Variants in TRPM3 observed in about 807,000 individuals in gnomAD.
TRPM3 encodes the protein long transient receptor potential channel 3.
TRPM3 carries 77 observed loss-of-function variants against 181.2 expected under a neutral mutation model. The ratio of observed to expected loss-of-function variants is 0.42; its 90% CI spans 0.35 to 0.51. The LOEUF is 0.51. Ranked by LOEUF, TRPM3 falls within the 20% of genes least tolerant of loss-of-function variation. The pLI is 0.01. For synonymous variants in TRPM3, 745 were observed against 796.4 expected (o/e 0.94, Z 1.09); for missense variants, 1,759 against 2,196.7 (o/e 0.80, Z 3.98).
intron 1 of TRPM3, among the ~76,000 whole-genome samples, chr9:71,149,897 A>C (rs11142703): frequency 0.23 from 35,555 of 151,934 alleles, 4,834 homozygotes; most frequent in African/African-American, 0.38. Context: ...TGGGAGGTCA[A>C]AACTGTAGTG....
intron 1 of TRPM3, among the ~76,000 whole-genome samples, chr9:71,160,457 G>A (rs1447335115): frequency 6.6e-6 from 1 of 152,104 alleles, no homozygotes; most frequent in East Asian, 1.9e-4. Flanking sequence ...AGTAAGTTAT[G>A]CCATATAGAG....
chr9:70,868,265 G>C (rs2095697835), intron 1 of TRPM3, among the ~76,000 whole-genome samples: 1 of 151,878 alleles, frequency 6.6e-6, no homozygotes, highest in African/African-American at 2.4e-5. Context: ...ATGTGTAATA[G>C]GGAAGTGTTT....
At chr9:70,769,832 G>C (rs2079883180) in intron 7 of TRPM3, among the ~76,000 whole-genome samples, 1 of 152,130 alleles carries the variant, frequency 6.6e-6, no homozygotes, top group Non-Finnish European at 1.5e-5. Flanking sequence ...TTAAGTTCTA[G>C]AAGAGTGCTT....
intron 12 of TRPM3, among the ~76,000 whole-genome samples, chr9:70,627,878 ATTATCT>A (rs2064953657): frequency 1.3e-5 from 2 of 152,174 alleles, no homozygotes; most frequent in Non-Finnish European, 2.9e-5. Flanking sequence ...TTGTTTGAAG[ATTATCT>A]TTATCCATCT....
At chr9:70,918,408 A>G (rs1001689567) in intron 1 of TRPM3, among the ~76,000 whole-genome samples, 7 of 152,182 alleles carry the variant, frequency 4.6e-5, no homozygotes, top group Non-Finnish European at 5.9e-5. Flanking sequence ...AAAAAAGTTG[A>G]GATAGTATTA....
intron 1 of TRPM3, among the ~76,000 whole-genome samples, chr9:70,961,282 C>T (rs2097134067): frequency 8.0e-6 from 1 of 124,514 alleles, no homozygotes; most frequent in South Asian, 3.0e-4. Flanking sequence ...CTACAGTCTC[C>T]AGAAGACATA....
intron 1 of TRPM3, among the ~76,000 whole-genome samples, chr9:71,277,328 G>A (rs1308961381): frequency 6.6e-6 from 1 of 152,102 alleles, no homozygotes; most frequent in Non-Finnish European, 1.5e-5. Flanking sequence ...TGAGTAACGT[G>A]TACGTAGTTC....
chr9:71,420,982 A>G (rs1388565555), intron 1 of TRPM3, among the ~76,000 whole-genome samples: 3 of 107,194 alleles, frequency 2.8e-5, no homozygotes, highest in African/African-American at 8.7e-5. Flanking sequence ...AAAAAGAGAG[A>G]GAAAAAGAGA....
chr9:70,933,493 G>T (rs1033355484), intron 1 of TRPM3, among the ~76,000 whole-genome samples: 1 of 152,076 alleles, frequency 6.6e-6, no homozygotes, highest in African/African-American at 2.4e-5. Context: ...TGAAGTGAGG[G>T]CTGAAAACAT....
intron 1 of TRPM3, among the ~76,000 whole-genome samples, chr9:71,279,378 T>C (rs1384482316): frequency 4.6e-5 from 7 of 152,068 alleles, no homozygotes; most frequent in Non-Finnish European, 7.4e-5. Context: ...TCCAGGGCAA[T>C]AGAGGGTGTA....
chr9:71,262,329 C>G (rs1292708433), intron 1 of TRPM3, among the ~76,000 whole-genome samples: 4 of 152,162 alleles, frequency 2.6e-5, no homozygotes, highest in African/African-American at 4.8e-5. Flanking sequence ...GGGAAAACCA[C>G]CTACTCAAGC....
At chr9:70,947,117 G>T (rs186914530) in intron 1 of TRPM3, among the ~76,000 whole-genome samples, 34 of 152,274 alleles carry the variant, frequency 2.2e-4, no homozygotes, top group African/African-American at 8.2e-4. Context: ...TATACATACA[G>T]TCAGCTTTAG....
At chr9:70,862,750 GAC>G (rs1033752497) in intron 3 of TRPM3, among the ~76,000 whole-genome samples, 156 bp downstream of exon 3, 1 of 152,132 alleles carries the variant, frequency 6.6e-6, no homozygotes, top group African/African-American at 2.4e-5. Context: ...GAAGGGTTGA[GAC>G]ACACAGGGGC....
chr9:70,938,153 T>G (rs531173918), intron 1 of TRPM3, among the ~76,000 whole-genome samples: 1 of 152,294 alleles, frequency 6.6e-6, no homozygotes, highest in African/African-American at 2.4e-5. Context: ...CAGAGGGAGC[T>G]AGAGTGTTCA....
chr9:70,948,024 C>A (rs943290004), intron 1 of TRPM3, among the ~76,000 whole-genome samples: 1 of 151,948 alleles, frequency 6.6e-6, no homozygotes, highest in Non-Finnish European at 1.5e-5. Context: ...AGGAATACCA[C>A]ATAATTCCTT....
intron 1 of TRPM3, among the ~76,000 whole-genome samples, chr9:71,106,220 T>C (rs2069522349): frequency 6.6e-6 from 1 of 152,178 alleles, no homozygotes; most frequent in Non-Finnish European, 1.5e-5. Flanking sequence ...GATACGCCAC[T>C]ATTGACAACT....
chr9:71,078,239 A>G (rs1045862120), intron 1 of TRPM3, among the ~76,000 whole-genome samples: 3 of 152,208 alleles, frequency 2.0e-5, no homozygotes, highest in Non-Finnish European at 4.4e-5. Context: ...ATATACAGAT[A>G]TGCTAAAAAA....
chr9:71,287,050 A>G (rs2085356423), intron 1 of TRPM3, among the ~76,000 whole-genome samples: 1 of 143,494 alleles, frequency 7.0e-6, no homozygotes, highest in African/African-American at 2.5e-5. Context: ...TGTATTATAT[A>G]CTATATTATA....
At chr9:70,888,018 T>C (rs1306351913) in intron 1 of TRPM3, among the ~76,000 whole-genome samples, 1 of 152,174 alleles carries the variant, frequency 6.6e-6, no homozygotes, top group African/African-American at 2.4e-5. Context: ...TCTATTACAA[T>C]GGTAATGAAC....
Sources: allele counts gnomAD v4.1 joint callset (sites outside exome capture counted in the v4.1 genomes callset), GRCh38; gene constraint gnomAD v4.1.1; transcripts MANE v1.5; gene names NCBI Gene and HGNC (gene_info 2026-07-23, HGNC 2026-07-21).